GRM8: variants seen among roughly 807,000 people sequenced by gnomAD.
GRM8 encodes the protein metabotropic glutamate receptor 8.
A neutral mutation model predicts 87.2 loss-of-function variants in GRM8; 47 were observed. That is an observed-to-expected ratio of 0.54 (90% CI 0.43 to 0.69). The LOEUF (loss-of-function observed/expected upper bound fraction) is 0.69. GRM8 is among the 30% of genes least tolerant of loss of function. The probability of loss-of-function intolerance (pLI) is 0.00; values close to 1 mark genes in which losing one functional copy is unlikely to be tolerated. For synonymous variants in GRM8, 396 were observed against 404.5 expected, an observed-to-expected ratio of 0.98 and a Z score of 0.25; for missense variants, 1,019 against 1,139.2, an observed-to-expected ratio of 0.89 and a Z score of 1.52.
At chr7:126,799,705 T>C (rs11983548) in intron 6 of GRM8, among the ~76,000 whole-genome samples, 3,388 of 152,252 alleles carry the variant, frequency 0.022, 138 homozygotes, top group African/African-American at 0.077. Flanking sequence ...GTACTGCTCA[T>C]AGAGTACAAG....
intron 2 of GRM8, among the ~76,000 whole-genome samples, chr7:127,223,370 T>C (rs1797063632): frequency 6.6e-6 from 1 of 151,920 alleles, no homozygotes; most frequent in Admixed American, 6.6e-5. Flanking sequence ...GCCTAGCTTC[T>C]TTTAGATTGA....
intron 2 of GRM8, among the ~76,000 whole-genome samples, chr7:127,226,630 A>C (rs1797342474): frequency 6.6e-6 from 1 of 152,370 alleles, no homozygotes; most frequent in Middle Eastern, 3.4e-3. Context: ...GGTTGCAAAA[A>C]AATTGGAAAT....
intron 3 of GRM8, among the ~76,000 whole-genome samples, chr7:126,990,231 C>G (rs1229119509): frequency 6.6e-6 from 1 of 152,008 alleles, no homozygotes; most frequent in Non-Finnish European, 1.5e-5. Flanking sequence ...CTTATTTTTC[C>G]TGCTTCTCTT....
At chr7:126,773,806 G>A (rs1819128918) in intron 6 of GRM8, among the ~76,000 whole-genome samples, 1 of 151,918 alleles carries the variant, frequency 6.6e-6, no homozygotes, top group Admixed American at 6.6e-5. Flanking sequence ...GACCAGCCTG[G>A]GCAGCAGAGT....
intron 7 of GRM8, among the ~76,000 whole-genome samples, chr7:126,629,692 T>C (rs1585284123): frequency 1.3e-5 from 2 of 152,168 alleles, no homozygotes; most frequent in South Asian, 4.1e-4. Context: ...AATTTATTTA[T>C]AATGGACCTG....
chr7:126,943,142 C>T (rs921839409), intron 3 of GRM8, among the ~76,000 whole-genome samples: 5 of 152,180 alleles, frequency 3.3e-5, no homozygotes, highest in South Asian at 2.1e-4. Flanking sequence ...TAAGGGAATC[C>T]TGGACCCCAT....
At chr7:126,768,794 C>A (rs918211883) in intron 7 of GRM8, among the ~76,000 whole-genome samples, 8 of 151,956 alleles carry the variant, frequency 5.3e-5, no homozygotes, top group African/African-American at 1.9e-4. Flanking sequence ...AAATTATTTT[C>A]AAACTCCTGT....
At chr7:126,984,529 T>C (rs1051528393) in intron 3 of GRM8, among the ~76,000 whole-genome samples, 11 of 152,250 alleles carry the variant, frequency 7.2e-5, no homozygotes, top group Non-Finnish European at 1.5e-4. Context: ...AGATGCTTCC[T>C]GCCCTTGAAC....
chr7:127,232,210 TGTGAGAGAGA>T (rs1304376533), intron 2 of GRM8, among the ~76,000 whole-genome samples: 1 of 146,012 alleles, frequency 6.8e-6, no homozygotes, highest in African/African-American at 2.5e-5. Context: ...TGTGTGTGTG[TGTGAGAGAGA>T]GAGAGAGAGA....
chr7:127,198,587 T>G (rs1198617547), intron 2 of GRM8, among the ~76,000 whole-genome samples: 1 of 152,172 alleles, frequency 6.6e-6, no homozygotes, highest in African/African-American at 2.4e-5. Flanking sequence ...GTGGTGGGTT[T>G]TTGTTGTTTT....
chr7:126,512,427 C>T (rs1431267892), intron 9 of GRM8: 4 of 152,138 alleles, frequency 2.6e-5, no homozygotes, highest in Non-Finnish European at 4.4e-5. Context: ...GTCTGAGCCA[C>T]ACTCTCGACA....
chr7:126,654,424 A>G (rs967904162), intron 7 of GRM8, among the ~76,000 whole-genome samples: 7 of 152,190 alleles, frequency 4.6e-5, no homozygotes, highest in Non-Finnish European at 1.0e-4. Context: ...AATCAGAAAA[A>G]TTATGGCAGG....
chr7:126,810,889 A>G (rs1261516082), intron 6 of GRM8, among the ~76,000 whole-genome samples: 1 of 152,114 alleles, frequency 6.6e-6, no homozygotes, highest in Non-Finnish European at 1.5e-5. Context: ...CCTTTAGAGT[A>G]CACTTGGCCC....
chr7:126,651,339 C>T (rs1803841465), intron 7 of GRM8, among the ~76,000 whole-genome samples: 2 of 152,176 alleles, frequency 1.3e-5, no homozygotes, highest in African/African-American at 2.4e-5. Context: ...CTTTTGAAGT[C>T]ACAATTAAAA....
intron 1 of GRM8, among the ~76,000 whole-genome samples, chr7:127,245,567 T>A (rs1798543311): frequency 6.6e-6 from 1 of 152,350 alleles, no homozygotes; most frequent in Non-Finnish European, 1.5e-5. Flanking sequence ...CAGAAAGTAA[T>A]AAAATTGAGT....
intron 2 of GRM8, among the ~76,000 whole-genome samples, chr7:127,113,069 T>C (rs1826477668): frequency 1.3e-5 from 2 of 152,154 alleles, no homozygotes; most frequent in Non-Finnish European, 2.9e-5. Flanking sequence ...AGTGATGAAA[T>C]AAAGGGTCTC....
chr7:126,635,376 T>C (rs1801753890), intron 7 of GRM8, among the ~76,000 whole-genome samples: 1 of 152,164 alleles, frequency 6.6e-6, no homozygotes, highest in Non-Finnish European at 1.5e-5. Flanking sequence ...ATTTGGCTAA[T>C]TGAAAAATTT....
At chr7:126,657,948 C>A (rs949470738) in intron 7 of GRM8, among the ~76,000 whole-genome samples, 1 of 152,162 alleles carries the variant, frequency 6.6e-6, no homozygotes, top group Non-Finnish European at 1.5e-5. Context: ...AAACGACAAA[C>A]TAAAATTAAG....
intron 2 of GRM8, among the ~76,000 whole-genome samples, chr7:127,237,564 C>T (rs1798048085): frequency 2.6e-5 from 4 of 152,228 alleles, no homozygotes; most frequent in African/African-American, 7.2e-5. Context: ...CTCAGTATTT[C>T]ATTGACTTCA....
Sources: allele counts gnomAD v4.1 joint callset (sites outside exome capture counted in the v4.1 genomes callset), GRCh38; gene constraint gnomAD v4.1.1; transcripts MANE v1.5; gene names NCBI Gene and HGNC (gene_info 2026-07-23, HGNC 2026-07-21).